The following CNTLN variants were observed in gnomAD, a reference collection of about 807,000 sequenced individuals.
CNTLN encodes centlein, centrosomal protein.
CNTLN carries 212 observed loss-of-function variants against 180.0 expected under a neutral mutation model. That is an observed-to-expected ratio of 1.18 (90% CI 1.05 to 1.32). The LOEUF (loss-of-function observed/expected upper bound fraction) is 1.32, where lower values mean the gene tolerates loss of function less well. Ranked by LOEUF, CNTLN falls within the 40% of genes most tolerant of loss-of-function variation. The probability of loss-of-function intolerance (pLI) is 0.00; values close to 1 mark genes in which losing one functional copy is unlikely to be tolerated. For missense variants in CNTLN, 2,095 were observed against 1,610.9 expected (o/e 1.30, Z -5.14); for synonymous variants, 722 against 563.1 (o/e 1.28, Z -3.99).
intron 8 of CNTLN, among the ~76,000 whole-genome samples, chr9:17,317,332 A>G (rs1053366744): frequency 2.6e-5 from 4 of 152,358 alleles, no homozygotes; most frequent in African/African-American, 9.6e-5. Flanking sequence ...ATAGATAAAT[A>G]GAAAATTTGA....
At chr9:17,329,690 A>G (rs575293265) in intron 8 of CNTLN, among the ~76,000 whole-genome samples, 4 of 151,934 alleles carry the variant, frequency 2.6e-5, no homozygotes, top group East Asian at 1.9e-4. Flanking sequence ...TTGGAAAAGG[A>G]TGATGTTTCC....
chr9:17,161,474 T>C (rs1289270162), intron 2 of CNTLN, among the ~76,000 whole-genome samples: 3 of 152,156 alleles, frequency 2.0e-5, no homozygotes, highest in Non-Finnish European at 4.4e-5. Context: ...TAATAAACAT[T>C]GAAGAAACAG....
intron 5 of CNTLN, among the ~76,000 whole-genome samples, chr9:17,272,877 C>G (rs890533548): frequency 1.7e-4 from 26 of 152,004 alleles, no homozygotes; most frequent in African/African-American, 5.6e-4. Flanking sequence ...TTTAAAAAGG[C>G]TTGCTTTCCC....
intron 5 of CNTLN, among the ~76,000 whole-genome samples, chr9:17,242,163 A>T (rs528937000): frequency 6.6e-6 from 1 of 152,342 alleles, no homozygotes; most frequent in East Asian, 1.9e-4. Flanking sequence ...TCAGTATCAT[A>T]CTAGCTTCTG....
chr9:17,335,151 A>G (rs1820920923), intron 10 of CNTLN, among the ~76,000 whole-genome samples: 1 of 152,204 alleles, frequency 6.6e-6, no homozygotes, highest in African/African-American at 2.4e-5. Flanking sequence ...AATGACATCC[A>G]TCCATATTGG....
chr9:17,386,385 C>G (rs1458293861), intron 13 of CNTLN, among the ~76,000 whole-genome samples: 2 of 152,038 alleles, frequency 1.3e-5, no homozygotes, highest in Non-Finnish European at 2.9e-5. Context: ...AATGTTTATA[C>G]TAGTAAAAGT....
the CNTLN span, among the ~76,000 whole-genome samples, chr9:17,519,463 A>G: frequency 0.082 from 12,511 of 152,176 alleles, 1,467 homozygotes; most frequent in African/African-American, 0.26. Flanking sequence ...CTTCTCACTC[A>G]CTTACTGTAT....
intron 12 of CNTLN, among the ~76,000 whole-genome samples, chr9:17,360,170 C>G (rs536884281): frequency 2.0e-5 from 3 of 152,194 alleles, no homozygotes; most frequent in Admixed American, 6.5e-5. Flanking sequence ...CCTAGTTCCT[C>G]TTGGATTCTT....
At chr9:17,186,934 G>C (rs1407914704) in intron 2 of CNTLN, among the ~76,000 whole-genome samples, 1 of 151,926 alleles carries the variant, frequency 6.6e-6, no homozygotes, top group Non-Finnish European at 1.5e-5. Context: ...ATTCCTATAT[G>C]AGACTTTTGG....
chr9:17,481,539 C>T (rs928422302), intron 23 of CNTLN, among the ~76,000 whole-genome samples: 5 of 152,192 alleles, frequency 3.3e-5, no homozygotes, highest in Non-Finnish European at 7.3e-5. Flanking sequence ...ATGACCCCAC[C>T]CAACTGCAGC....
At chr9:17,475,441 A>G (rs1221984469) in intron 23 of CNTLN, among the ~76,000 whole-genome samples, 1 of 151,396 alleles carries the variant, frequency 6.6e-6, no homozygotes. Flanking sequence ...TAATTTGTAA[A>G]GAATATGATG....
intron 2 of CNTLN, among the ~76,000 whole-genome samples, chr9:17,199,312 A>G (rs572064149): frequency 6.6e-6 from 1 of 150,500 alleles, no homozygotes; most frequent in East Asian, 2.0e-4. Context: ...CCCGGGTTCA[A>G]GCAATTCTCC....
chr9:17,177,057 CTATTA>C (rs2131689013), intron 2 of CNTLN, among the ~76,000 whole-genome samples: 1 of 152,008 alleles, frequency 6.6e-6, no homozygotes, highest in Non-Finnish European at 1.5e-5. Context: ...TTTCTGTTTT[CTATTA>C]TGTTGATTTC....
chr9:17,228,727 C>G lies in CNTLN; in HGVS notation c.534+2440C>G, dbSNP rs372157830. 2.0e-3 allele frequency among the ~76,000 whole-genome samples: 301 copies of G among 152,114 alleles called. 1 individual carries two copies. Among genetic ancestry groups the G allele is most frequent in the African/African-American group, 6.9e-3 (285 of 41,512 alleles). ...AATAGTTATTTCATAGTCAGGTCCA[C>G]TGACATGGACCTGAATTATTAGGTT... On this transcript the variant is annotated intron_variant, in intron 3 of 25. Transcript: ENST00000380647.
At chr9:17,420,564 C>G (rs1018698310) in intron 18 of CNTLN, among the ~76,000 whole-genome samples, 1 of 151,578 alleles carries the variant, frequency 6.6e-6, no homozygotes, top group Non-Finnish European at 1.5e-5. Flanking sequence ...TATTTCTTCT[C>G]TGATCTTTAT....
At chr9:17,209,935 T>G (rs1823175845) in intron 2 of CNTLN, among the ~76,000 whole-genome samples, 1 of 152,212 alleles carries the variant, frequency 6.6e-6, no homozygotes. Flanking sequence ...TCCATCTTTA[T>G]GGATGGAGAA....
the CNTLN span, among the ~76,000 whole-genome samples, chr9:17,521,265 A>AAGAGAGAGAGAGAGAGAGAGAGAGAG: frequency 6.5e-4 from 77 of 118,598 alleles, 4 homozygotes; most frequent in African/African-American, 2.1e-3. Context: ...AAGGGAGAAA[A>AAGAGAGAGAGAGAGAGAGAGAGAGAG]AGAGAGAGAG....
chr9:17,421,501 G>C (rs1384829994), intron 18 of CNTLN, among the ~76,000 whole-genome samples: 1 of 151,966 alleles, frequency 6.6e-6, no homozygotes, highest in Non-Finnish European at 1.5e-5. Flanking sequence ...GTATCATTGG[G>C]TCTTGTTTTT....
the CNTLN span, among the ~76,000 whole-genome samples, chr9:17,513,507 G>A: frequency 1.3e-5 from 2 of 151,764 alleles, no homozygotes; most frequent in Admixed American, 1.3e-4. Context: ...ACCAGCCTGA[G>A]CAAAATGGCG....
Sources: allele counts gnomAD v4.1 joint callset (sites outside exome capture counted in the v4.1 genomes callset), GRCh38; gene constraint gnomAD v4.1.1; transcripts MANE v1.5; gene names NCBI Gene and HGNC (gene_info 2026-07-23, HGNC 2026-07-21).